Variants in CACNA1B observed in about 807,000 individuals in gnomAD.
The protein encoded by CACNA1B is calcium voltage-gated channel subunit alpha1 B, also known as voltage-dependent N-type calcium channel subunit alpha-1B.
A neutral mutation model predicts 247.2 loss-of-function variants in CACNA1B; 70 were observed. The ratio of observed to expected loss-of-function variants is 0.28; its 90% CI spans 0.23 to 0.35. The LOEUF (loss-of-function observed/expected upper bound fraction) is 0.35. CACNA1B is among the 10% of genes least tolerant of loss of function. The pLI is 1.00. For missense variants in CACNA1B, 2,367 were observed against 3,197.4 expected, an observed-to-expected ratio of 0.74 and a Z score of 6.26; for synonymous variants, 1,231 against 1,294.4, an observed-to-expected ratio of 0.95 and a Z score of 1.05.
At position 138,010,114 on chromosome 9, in the gene CACNA1B, G is replaced by C; in HGVS notation, c.2160+37G>C. The C allele has an allele frequency of 6.4e-7, 1 of 1,556,396 alleles. No individual in the cohort carries two copies. Among genetic ancestry groups the C allele is most frequent in the Non-Finnish European group, 8.9e-7 (1 of 1,127,604 alleles). On this transcript the variant is annotated intron_variant, in intron 17 of 46. Coordinates refer to ENST00000371372, the MANE Select transcript of CACNA1B (RefSeq NM_000718.4). The surrounding 1 kb of genome is among the most constrained non-coding windows in gnomAD (Gnocchi z 5.3). ...CAGGGAGGGACCGGTGTCAGCCCATGTCACTTGAATGTGGCCGCAGCCAGG... is the reference window on the plus strand; with the variant it reads ...CAGGGAGGGACCGGTGTCAGCCCATCTCACTTGAATGTGGCCGCAGCCAGG...
At chr9:137,991,880 A>G (rs1958435540) in intron 15 of CACNA1B, among the ~76,000 whole-genome samples, 1 of 152,214 alleles carries the variant, frequency 6.6e-6, no homozygotes, top group Admixed American at 6.5e-5. Context: ...TTTACAGGCA[A>G]ACAAATGCTG....
rs1173163661 is a variant in CACNA1B, at chr9:137,954,879, TGAGAGAGAGAGA to T, written c.1071-807_1071-796del. Among the ~76,000 whole-genome samples, 2 of 145,194 alleles carry T rather than the reference TGAGAGAGAGAGA, an allele frequency of 1.4e-5. No individual in the cohort carries two copies. Among genetic ancestry groups the T allele is most frequent in the East Asian group, 2.2e-4 (1 of 4,602 alleles). ...GCTTGTGTGTGTGTGTGTGTGTGTG[TGAGAGAGAGAGA>T]GAGAGAGAGAGGGGGAGAGAGAGAG... is the stretch of plus-strand genomic sequence containing the variant. On this transcript the variant is annotated intron_variant, in intron 7 of 46. Coordinates refer to ENST00000371372, the MANE Select transcript of CACNA1B (RefSeq NM_000718.4). This position sits in a 1 kb window ranked among gnomAD's most constrained non-coding sequence, Gnocchi z 4.1.
rs76150605 is a variant in CACNA1B at position 138,100,881 on chromosome 9, C to T, written c.5223-1830C>T. ...GGGCAGGGCAGTGTTCTGTGTGGAG[C>T]GGCTCCTGCACACATCGGGCTCCGG... On this transcript the variant is annotated intron_variant, in intron 37 of 46. Transcript: ENST00000371372. The surrounding 1 kb of genome is among the most constrained non-coding windows in gnomAD (Gnocchi z 4.6). Among the ~76,000 whole-genome samples the T allele has an allele frequency of 0.021, 3,248 of 152,116 alleles. 115 individuals are homozygous for T. Among genetic ancestry groups the T allele is most frequent in the African/African-American group, 0.072 (2,976 of 41,492 alleles).
rs1957383714 is a variant in CACNA1B, at chr9:137,913,873, A to G, written c.622+602A>G. Among the ~76,000 whole-genome samples the G allele has an allele frequency of 6.6e-6, 1 of 152,118 alleles. No homozygotes were observed. Among genetic ancestry groups the G allele is most frequent in the Non-Finnish European group, 1.5e-5 (1 of 68,000 alleles). ...ATGGAACTAGAGCTGTGTCCTCCTGAGGCCACTGAGGGAAGACCCGTGATT... is the reference window on the plus strand; with the variant it reads ...ATGGAACTAGAGCTGTGTCCTCCTGGGGCCACTGAGGGAAGACCCGTGATT... On this transcript the variant is annotated intron_variant, in intron 4 of 46. Coordinates refer to ENST00000371372, the MANE Select transcript of CACNA1B (RefSeq NM_000718.4). This position sits in a 1 kb window ranked among gnomAD's most constrained non-coding sequence, Gnocchi z 5.2.
At chr9:138,118,964 C>T (rs1018120604) in intron 44 of CACNA1B, among the ~76,000 whole-genome samples, 196 bp downstream of exon 44, 9 of 152,056 alleles carry the variant, frequency 5.9e-5, no homozygotes, top group South Asian at 2.1e-4. Flanking sequence ...GCAGCCTGGA[C>T]GCCTTCAGCC....
intron 39 of CACNA1B, among the ~76,000 whole-genome samples, chr9:138,110,366 T>C (rs1049507113): frequency 3.5e-4 from 53 of 152,254 alleles, no homozygotes; most frequent in African/African-American, 1.1e-3. Context: ...CCACTTGCCT[T>C]GGCCTCCCAT....
rs1564226075 is a variant in CACNA1B, at chr9:137,992,783, CGAGA to C, written c.1974+5930_1974+5933del. On this transcript the variant is annotated intron_variant, in intron 15 of 46. Coordinates refer to ENST00000371372, the MANE Select transcript of CACNA1B (RefSeq NM_000718.4). ...CTGCACTCCAGCCTGGGCGACAGAGCGAGACTCCGTCTCAAAAAAAAAAAAAAAA... is the reference window on the plus strand; with the variant it reads ...CTGCACTCCAGCCTGGGCGACAGAGCCTCCGTCTCAAAAAAAAAAAAAAAA... Among the ~76,000 whole-genome samples, 4 of 141,204 alleles carry C rather than the reference CGAGA, an allele frequency of 2.8e-5. No individual in the cohort carries two copies. In the East Asian group the frequency reaches 8.5e-4, roughly 30 times the overall value. 92.6% of individuals were successfully genotyped at this position (141,204 alleles called of 152,430 possible).
chr9:138,061,032 C>T (rs1413053452), intron 31 of CACNA1B, among the ~76,000 whole-genome samples: 2 of 152,190 alleles, frequency 1.3e-5, no homozygotes, highest in Non-Finnish European at 2.9e-5. Context: ...TACTTGTTGC[C>T]GTTCTTTTTC....
At chr9:138,082,759 C>T (rs866806574) in intron 36 of CACNA1B, among the ~76,000 whole-genome samples, 2 of 151,190 alleles carry the variant, frequency 1.3e-5, no homozygotes, top group African/African-American at 4.9e-5. Context: ...TGACCTTCCA[C>T]CTAGTGCTTG....
intron 22 of CACNA1B, 60 bp downstream of exon 22, chr9:138,047,093 C>T: frequency 6.6e-7 from 1 of 1,516,374 alleles, no homozygotes; most frequent in South Asian, 1.2e-5. Flanking sequence ...GGGTGCCTTC[C>T]CAGGGGCCCA....
chr9:137,921,881 A>AC (rs1957486055), intron 6 of CACNA1B, among the ~76,000 whole-genome samples: 4 of 34,794 alleles, frequency 1.1e-4, no homozygotes, highest in African/African-American at 1.2e-4. Context: ...TCAGCACTGC[A>AC]GCCGCGCAGC....
intron 12 of CACNA1B, among the ~76,000 whole-genome samples, chr9:137,978,919 A>G (rs961108587): frequency 3.9e-5 from 6 of 152,300 alleles, no homozygotes; most frequent in East Asian, 1.9e-4. Context: ...TCTCTGAGAC[A>G]TGGAGACCTG....
intron 36 of CACNA1B, among the ~76,000 whole-genome samples, chr9:138,092,619 C>G (rs773909251): frequency 1.4e-4 from 21 of 152,156 alleles, no homozygotes; most frequent in Non-Finnish European, 2.4e-4. Flanking sequence ...GACATACATC[C>G]TCAGCTTACG....
At chr9:138,048,189 A>G (rs146836724) in intron 23 of CACNA1B, among the ~76,000 whole-genome samples, 109 of 152,276 alleles carry the variant, frequency 7.2e-4, no homozygotes, top group African/African-American at 2.4e-3. Context: ...CATCATCCCC[A>G]TTTTACAGAT....
Position 138,073,934 on chromosome 9 carries a change from C to T in CACNA1B, c.4792-67C>T, listed in dbSNP as rs1306578527. On this transcript the variant is annotated intron_variant, in intron 33 of 46. Transcript: ENST00000371372. This position sits in a 1 kb window ranked among gnomAD's most constrained non-coding sequence, Gnocchi z 6.4. Reference sequence around the variant, plus strand: ...CTGTGTGACCTCAAAGGCCCAGCCACCGTAGCAGGAGGCCTGGGCGTGGTG... The same window carrying T: ...CTGTGTGACCTCAAAGGCCCAGCCATCGTAGCAGGAGGCCTGGGCGTGGTG... 21 of 1,310,926 alleles carry T rather than the reference C, an allele frequency of 1.6e-5. No homozygotes were observed. The East Asian group carries it at 4.6e-4, about 29-fold the overall frequency. 81.2% of individuals were successfully genotyped at this position (1,310,926 alleles called of 1,614,324 possible).
At chr9:138,108,607 A>G (rs75629831) in intron 39 of CACNA1B, among the ~76,000 whole-genome samples, 5,928 of 152,262 alleles carry the variant, frequency 0.039, 361 homozygotes, top group African/African-American at 0.12. Flanking sequence ...TCCCTTATAA[A>G]CATAGATTTT....
intron 3 of CACNA1B, among the ~76,000 whole-genome samples, chr9:137,884,177 G>A (rs1396471528): frequency 6.6e-6 from 1 of 152,192 alleles, no homozygotes; most frequent in African/African-American, 2.4e-5. Context: ...TGGGGGTGTC[G>A]CATGGAAGGC....
At chr9:137,997,015 AT>A (rs1958508782) in intron 15 of CACNA1B, among the ~76,000 whole-genome samples, 1 of 152,250 alleles carries the variant, frequency 6.6e-6, no homozygotes, top group Non-Finnish European at 1.5e-5. Context: ...ATGCAAGATA[AT>A]TCAACATTAG....
chr9:138,063,610 A>C (rs1366233462), intron 31 of CACNA1B, among the ~76,000 whole-genome samples: 1 of 152,272 alleles, frequency 6.6e-6, no homozygotes, highest in African/African-American at 2.4e-5. Context: ...CCTGCTTAGC[A>C]GTGACTGCTG....
Sources: gnomAD v4.1 joint callset for allele counts (sites outside exome capture counted in the v4.1 genomes callset) on GRCh38, gnomAD v4.1.1 for gene constraint, Gnocchi (gnomAD v3.1) non-coding constraint, MANE v1.5 for transcripts, NCBI Gene and HGNC (gene_info 2026-07-23, HGNC 2026-07-21) for gene names.